Variants in LAMB1 observed in about 807,000 individuals in gnomAD.
The protein encoded by LAMB1 is laminin subunit beta 1.
Under a neutral mutation model 222.3 loss-of-function variants are expected in LAMB1, and 121 were observed. The observed-to-expected ratio is 0.54, with a 90% CI of 0.47 to 0.63. LAMB1 has a LOEUF of 0.63. Ranked by LOEUF, LAMB1 falls within the 30% of genes least tolerant of loss-of-function variation. LAMB1 has a pLI of 0.00. For synonymous variants in LAMB1, 794 were observed against 807.2 expected, an observed-to-expected ratio of 0.98 and a Z score of 0.28; for missense variants, 2,172 against 2,240.8, an observed-to-expected ratio of 0.97 and a Z score of 0.62.
chr7:107,974,469 C>T (rs1264525280), intron 12 of LAMB1, among the ~76,000 whole-genome samples: 7 of 151,996 alleles, frequency 4.6e-5, no homozygotes, highest in Admixed American at 1.3e-4. Flanking sequence ...ACTATTTTTC[C>T]ACTGTTGTTT....
intron 24 of LAMB1, among the ~76,000 whole-genome samples, chr7:107,947,085 C>T (rs1263703771): frequency 2.0e-5 from 3 of 152,172 alleles, no homozygotes; most frequent in Admixed American, 1.3e-4. Context: ...TTCTCCAGCA[C>T]GTTCATGGTG....
chr7:107,978,074 C>T lies in LAMB1; in HGVS notation c.973G>A (p.Glu325Lys), dbSNP rs748342153. ...TTACAGGCGTTGCTGTTTCGGCCTT[C>T]AGCAGGTCTCCAAGGTAAATCATGG... is the stretch of plus-strand genomic sequence containing the variant. The part of the protein sequence containing the change: ...FYHDLPWRPA[E>K]GRNSNACKKC... The change falls in exon 9 of 34, where the codon GAA becomes AAA. Residue 325 changes from glutamate to lysine, a missense_variant. Physicochemically the swap from Glu to Lys is moderately conservative, Grantham distance 56 (BLOSUM62 1). Transcript: ENST00000222399. The T allele has an allele frequency of 1.2e-6, 2 of 1,614,178 alleles. No homozygotes were observed. Among genetic ancestry groups the T allele is most frequent in the Admixed American group, 3.3e-5 (2 of 60,012 alleles).
At chr7:107,961,082 G>A (rs531015562) in intron 17 of LAMB1, 124 bp downstream of exon 17, 5 of 1,066,140 alleles carry the variant, frequency 4.7e-6, no homozygotes, top group African/African-American at 3.2e-5. Flanking sequence ...TAACCGTGGA[G>A]GCAAGAAAGA....
chr7:107,998,246 T>C (rs2034316973), intron 4 of LAMB1, 111 bp downstream of exon 4: 26 of 1,056,658 alleles, frequency 2.5e-5, no homozygotes, highest in Non-Finnish European at 3.6e-5. Context: ...TCAGAGGCCA[T>C]AATTACAGGA....
In LAMB1 at chr7:107,952,216, G is replaced by A. The variant is rs1233496798; in HGVS notation, c.3087C>T (p.Val1029=). ...CTTGCACGGTGCCCAGGTAATTACAGACACACTCTGCAAAAGAACATCACA... is the reference window on the plus strand; with the variant it reads ...CTTGCACGGTGCCCAGGTAATTACAAACACACTCTGCAAAAGAACATCACA... ...DALQQDCRKC[V]CNYLGTVQEH... Residue 1029 remains valine, a synonymous_variant, in exon 23 of 34, where the codon GTC becomes GTT. Transcript: ENST00000222399. 1.8e-5 allele frequency: 28 copies of A among 1,596,896 alleles called. No individual in the cohort carries two copies. Among genetic ancestry groups the A allele is most frequent in the Non-Finnish European group, 2.3e-5 (27 of 1,166,302 alleles).
intron 7 of LAMB1, among the ~76,000 whole-genome samples, chr7:107,984,342 G>A (rs1469950098): frequency 1.3e-5 from 2 of 152,106 alleles, no homozygotes; most frequent in African/African-American, 2.4e-5. Flanking sequence ...TCCACCTCCT[G>A]GGTTCAAGCG....
At chr7:107,955,816 T>C (rs1205648979) in intron 20 of LAMB1, among the ~76,000 whole-genome samples, 186 bp from the exon 21 acceptor site, 1 of 152,208 alleles carries the variant, frequency 6.6e-6, no homozygotes, top group Non-Finnish European at 1.5e-5. Context: ...CACTGTAACC[T>C]CTGTTTTTTG....
rs200248912 is a variant in LAMB1, at chr7:107,935,528, C to T, written c.4075G>A (p.Val1359Met). The change falls in exon 27 of 34, where the codon GTG (valine) becomes ATG (methionine). Residue 1359 changes from valine (V) to methionine (M), a missense_variant. By Grantham distance (21) the Val-to-Met change is conservative. Coordinates refer to ENST00000222399, the MANE Select transcript of LAMB1 (RefSeq NM_002291.3). The part of the protein sequence containing the change: ...SALMRDRVED[V>M]MMERESQFKE... ...AACTGGGATTCTCGCTCCATCATCA[C>T]GTCTTCTACTCTGTCTCTCATGAGG... 55 of 1,613,898 alleles carry T rather than the reference C, an allele frequency of 3.4e-5. No individual in the cohort carries two copies. The African/African-American group carries it at 4.7e-4, about 14-fold the overall frequency.
chr7:107,952,177 G>T lies in LAMB1; in HGVS notation c.3126C>A (p.Gly1042=), dbSNP rs747600894. 6.2e-7 allele frequency: 1 copy of T among 1,613,398 alleles called. No individual in the cohort carries two copies. Among genetic ancestry groups the T allele is most frequent in the South Asian group, 1.1e-5 (1 of 90,962 alleles). ...YLGTVQEHCN[G]SDCQCDKATG... ...TGGCTTTGTCGCACTGGCAGTCAGA[G>T]CCGTTACAGTGCTCTTGCACGGTGC... is the stretch of plus-strand genomic sequence containing the variant. Residue 1042 remains glycine, a synonymous_variant, in exon 23 of 34, where the codon GGC becomes GGA. Coordinates refer to ENST00000222399, the MANE Select transcript of LAMB1 (RefSeq NM_002291.3).
intron 32 of LAMB1, 80 bp from the exon 33 acceptor site, chr7:107,924,469 G>A (rs940282422): frequency 8.0e-6 from 9 of 1,122,842 alleles, no homozygotes; most frequent in African/African-American, 1.6e-5. Context: ...TGTAATCATG[G>A]CATGCATTCT....
intron 24 of LAMB1, among the ~76,000 whole-genome samples, chr7:107,947,823 T>C (rs1255655576): frequency 1.3e-5 from 2 of 152,100 alleles, no homozygotes; most frequent in African/African-American, 4.8e-5. Flanking sequence ...ACCAAGTGCC[T>C]ATAGCAATGA....
chr7:107,978,692 C>G (rs1201567700), intron 8 of LAMB1, among the ~76,000 whole-genome samples: 4 of 151,822 alleles, frequency 2.6e-5, no homozygotes, highest in Admixed American at 6.6e-5. Flanking sequence ...CTTTCAATGA[C>G]AGTAAAATTT....
chr7:107,927,163 C>T (rs1429491973), intron 31 of LAMB1, among the ~76,000 whole-genome samples: 2 of 152,120 alleles, frequency 1.3e-5, no homozygotes, highest in African/African-American at 4.8e-5. Context: ...CAGTATAAGA[C>T]ATAGGCTAAA....
At position 107,962,887 on chromosome 7, in the gene LAMB1, A is replaced by C. The variant is rs774942704; in HGVS notation, c.1857+18T>G. The C allele has an allele frequency of 6.2e-7, 1 of 1,606,790 alleles. No homozygotes were observed. Among genetic ancestry groups the C allele is most frequent in the Non-Finnish European group, 8.5e-7 (1 of 1,174,782 alleles). ...TCTCCCCTCCCTCCTCCACCAGTCC[A>C]CTAAGTGGTTTCTTTACCTGTGGCT... On this transcript the variant is annotated intron_variant, in intron 15 of 33. Coordinates refer to ENST00000222399, the MANE Select transcript of LAMB1 (RefSeq NM_002291.3).
At chr7:107,994,456 A>G (rs1163990053) in intron 5 of LAMB1, among the ~76,000 whole-genome samples, 1 of 152,200 alleles carries the variant, frequency 6.6e-6, no homozygotes, top group East Asian at 1.9e-4. Flanking sequence ...GGAGTTCAAC[A>G]GATTGAATCT....
chr7:107,926,836 T>TA, intron 31 of LAMB1, among the ~76,000 whole-genome samples: 1 of 152,276 alleles, frequency 6.6e-6, no homozygotes, highest in East Asian at 1.9e-4. Flanking sequence ...AGACTAGGGA[T>TA]GTTCTTTGAA....
chr7:107,968,635 G>C (rs2033680765), intron 13 of LAMB1, among the ~76,000 whole-genome samples: 1 of 152,170 alleles, frequency 6.6e-6, no homozygotes, highest in Non-Finnish European at 1.5e-5. Context: ...TACCTTTGAA[G>C]ATGGAGAGAG....
chr7:107,935,617 A>G lies in LAMB1; in HGVS notation c.3986T>C (p.Leu1329Pro), dbSNP rs751944847. ...DSITKYFQMS[L>P]EAEERVNAST... ...GGCATTCACCCTCTCCTCTGCCTCAAGAGACATCTGGAAATACTTGGTAAT... is the reference window on the plus strand; with the variant it reads ...GGCATTCACCCTCTCCTCTGCCTCAGGAGACATCTGGAAATACTTGGTAAT... The change falls in exon 27 of 34, where the codon CTT becomes CCT. Residue 1329 changes from leucine (L) to proline (P), a missense_variant. By Grantham distance (98) the Leu-to-Pro change is moderately conservative. Transcript: ENST00000222399. 6.8e-6 allele frequency: 11 copies of G among 1,613,990 alleles called. No homozygotes were observed. The highest frequency in any genetic ancestry group is 2.2e-5 in the East Asian group (1 of 44,866).
intron 17 of LAMB1, 140 bp from the exon 18 acceptor site, chr7:107,960,789 C>A (rs2033481501): frequency 1.5e-6 from 1 of 664,128 alleles, no homozygotes; most frequent in East Asian, 2.7e-5. Context: ...AAAGTATAAA[C>A]CTCCCTATTC....
Sources: gnomAD v4.1 joint callset for allele counts (sites outside exome capture counted in the v4.1 genomes callset) on GRCh38, gnomAD v4.1.1 for gene constraint, MANE v1.5 for transcripts, NCBI Gene and HGNC (gene_info 2026-07-23, HGNC 2026-07-21) for gene names.